Variants in ASMTL observed in about 807,000 individuals in gnomAD.
ASMTL encodes the protein probable bifunctional dTTP/UTP pyrophosphatase/methyltransferase protein.
A neutral mutation model predicts 60.3 loss-of-function variants in ASMTL; 57 were observed. The observed-to-expected ratio is 0.95, with a 90% CI of 0.76 to 1.18. The LOEUF is 1.18. Among genes scored for constraint, ASMTL ranks in the 50% most tolerant of loss-of-function variants. The pLI is 0.00. For synonymous variants in ASMTL, 419 were observed against 373.0 expected (o/e 1.12, Z -1.42); for missense variants, 981 against 852.6 (o/e 1.15, Z -1.88).
chrX:1,415,463 A>G (rs1341250116), intron 11 of ASMTL, among the ~76,000 whole-genome samples: 2 of 102,570 alleles, frequency 1.9e-5, no homozygotes, highest in South Asian at 7.5e-4. Flanking sequence ...CATTATTATT[A>G]TCATTGTCTT....
chrX:1,418,948 A>T (rs1230531535), intron 10 of ASMTL, 34 bp downstream of exon 10: 1 of 1,611,032 alleles, frequency 6.2e-7, no homozygotes, highest in Non-Finnish European at 8.5e-7. Flanking sequence ...TAATAAACGA[A>T]AGTAAGGAGA....
chrX:1,440,810 T>C (rs1486452410), intron 2 of ASMTL, among the ~76,000 whole-genome samples: 105 of 152,182 alleles, frequency 6.9e-4, no homozygotes, highest in Non-Finnish European at 1.4e-3. Context: ...TAGTAACAGA[T>C]AAATGACATA....
At chrX:1,428,179 A>G in intron 6 of ASMTL, 58 bp from the exon 7 acceptor site, 3 of 1,536,622 alleles carry the variant, frequency 2.0e-6, no homozygotes, top group Non-Finnish European at 2.6e-6. Context: ...CTGGGTCTGA[A>G]CATTTCACGG....
intron 3 of ASMTL, among the ~76,000 whole-genome samples, chrX:1,438,384 A>G (rs1195241156): frequency 6.6e-6 from 1 of 152,206 alleles, no homozygotes; most frequent in Non-Finnish European, 1.5e-5. Context: ...CATGAGCCAA[A>G]GGAGACAATG....
At chrX:1,410,574 G>A (rs1384121703) in intron 12 of ASMTL, among the ~76,000 whole-genome samples, 9 of 151,968 alleles carry the variant, frequency 5.9e-5, no homozygotes, top group African/African-American at 9.6e-5. Flanking sequence ...CCACTACGCC[G>A]GACTAATTTT....
rs189631143 is a variant in ASMTL, at chrX:1,447,410, A to G, written c.94-5093T>C. 1.3e-3 allele frequency among the ~76,000 whole-genome samples: 192 copies of G among 151,768 alleles called. No individual in the cohort carries two copies. The Middle Eastern group carries it at 0.017, about 14-fold the overall frequency. On this transcript the variant is annotated intron_variant, in intron 1 of 12. Coordinates refer to ENST00000381317, the MANE Select transcript of ASMTL (RefSeq NM_004192.4). ...AGAAGCACCACCATCTTGGACACAC[A>G]CTGCCATCTTGGATAAGCACCACCA...
intron 1 of ASMTL, among the ~76,000 whole-genome samples, chrX:1,444,969 C>T (rs1477075048): frequency 6.6e-6 from 1 of 152,124 alleles, no homozygotes; most frequent in African/African-American, 2.4e-5. Context: ...GCTTCGTCTT[C>T]CTCTCTCTTC....
intron 2 of ASMTL, among the ~76,000 whole-genome samples, chrX:1,439,584 C>T (rs1397960801): frequency 3.9e-5 from 6 of 152,136 alleles, no homozygotes; most frequent in African/African-American, 9.6e-5. Flanking sequence ...CGGTGGCTCA[C>T]GCCTGTCATC....
intron 6 of ASMTL, 54 bp downstream of exon 6, chrX:1,432,215 G>T (rs2090812214): frequency 1.4e-6 from 2 of 1,432,834 alleles, no homozygotes; most frequent in Non-Finnish European, 9.7e-7. Context: ...CACGTGTGAG[G>T]GTGGCCAGGC....
rs759241708 is a variant in ASMTL, at chrX:1,433,552, G to GGT, written c.401-1176_401-1175insAC. On this transcript the variant is annotated intron_variant, in intron 5 of 12. Coordinates refer to ENST00000381317, the MANE Select transcript of ASMTL (RefSeq NM_004192.4). ...AAAAAATTAGCCGGGCGTGGTGGCG[G>GGT]GCCCGTCGTCCCAGCTACTCGGGAG... 1.4e-4 allele frequency among the ~76,000 whole-genome samples: 21 copies of GGT among 150,618 alleles called. No homozygotes were observed. In the South Asian group the frequency reaches 4.4e-3, roughly 32 times the overall value.
chrX:1,408,050 C>A (rs1218876941), intron 12 of ASMTL, among the ~76,000 whole-genome samples: 1 of 150,756 alleles, frequency 6.6e-6, no homozygotes, highest in African/African-American at 2.5e-5. Context: ...ATTTAAAAAA[C>A]CCTAACAGGG....
intron 5 of ASMTL, 66 bp from the exon 6 acceptor site, chrX:1,432,443 G>A: frequency 4.9e-6 from 6 of 1,212,992 alleles, no homozygotes; most frequent in Non-Finnish European, 6.0e-6. Flanking sequence ...CCTGACAGCT[G>A]CGTGGCTGTG....
intron 6 of ASMTL, among the ~76,000 whole-genome samples, chrX:1,431,430 T>C (rs1436156956): frequency 7.3e-6 from 1 of 136,438 alleles, no homozygotes; most frequent in Non-Finnish European, 1.5e-5. Flanking sequence ...TAACCTATCA[T>C]ATAATCTATT....
In ASMTL at chrX:1,403,590, G is replaced by T; in HGVS notation, c.1646-101C>A. 12 of 1,106,634 alleles carry T rather than the reference G, an allele frequency of 1.1e-5. No individual in the cohort carries two copies. The South Asian group carries it at 1.6e-4, about 14-fold the overall frequency. 68.6% of individuals were successfully genotyped at this position (1,106,634 alleles called of 1,614,324 possible). On this transcript the variant is annotated intron_variant, in intron 12 of 12. Coordinates refer to ENST00000381317, the MANE Select transcript of ASMTL (RefSeq NM_004192.4). ...AGGCAACAGGAGCTCAGAACGGTGA[G>T]CAGAGGCTGCTGAGAACCCTTGGCC... is the stretch of plus-strand genomic sequence containing the variant.
At chrX:1,419,683 C>T (rs1352379724) in intron 9 of ASMTL, among the ~76,000 whole-genome samples, 3 of 152,138 alleles carry the variant, frequency 2.0e-5, no homozygotes, top group Non-Finnish European at 4.4e-5. Flanking sequence ...ACATCCCGTC[C>T]CTGCAGGGCA....
chrX:1,412,840 CCCTGAAAAAGTCA>C lies in ASMTL; in HGVS notation c.1524_1536del (p.Asp509ThrfsTer58). 1 of 1,613,814 alleles carries C rather than the reference CCCTGAAAAAGTCA, an allele frequency of 6.2e-7. No homozygotes were observed. The highest frequency in any genetic ancestry group is 1.1e-5 in the South Asian group (1 of 91,062). On this transcript the variant is annotated frameshift_variant and splice_region_variant, in exon 12 of 13. Transcript: ENST00000381317. LOFTEE classifies it high-confidence loss of function. ...TACAGCTCAGCGCTGGGGAGGGGGT[CCCTGAAAAAGTCA>C]CCTGGTTTAAAGACAAAACGAGATA...
rs1264134132 is a variant in ASMTL, at chrX:1,435,775, C to T, written c.274-17G>A. The T allele has an allele frequency of 1.2e-6, 2 of 1,611,956 alleles. No homozygotes were observed. The highest frequency in any genetic ancestry group is 2.7e-5 in the African/African-American group (2 of 74,830). On this transcript the variant is annotated splice_polypyrimidine_tract_variant and intron_variant, in intron 3 of 12. Transcript: ENST00000381317. The stretch of plus-strand genomic sequence containing the variant: ...CCCGACTGTCTGTGAGAGGAAGGGA[C>T]AGAGGGAGTTGGTTCCCACCGGCTG...
At chrX:1,451,825 C>T (rs150068066) in intron 1 of ASMTL, among the ~76,000 whole-genome samples, 7,693 of 144,444 alleles carry the variant, frequency 0.053, 682 homozygotes, top group African/African-American at 0.19. Flanking sequence ...CTGGGGGTCC[C>T]GGGTTACTCT....
At chrX:1,416,709 C>T (rs5949019) in intron 11 of ASMTL, among the ~76,000 whole-genome samples, 94,551 of 150,376 alleles carry the variant, frequency 0.63, 30,976 homozygotes, top group South Asian at 0.84. Context: ...CACATTCTTA[C>T]GCACGCACAC....
Sources: allele counts gnomAD v4.1 joint callset (sites outside exome capture counted in the v4.1 genomes callset), GRCh38; gene constraint gnomAD v4.1.1; transcripts MANE v1.5; gene names NCBI Gene and HGNC (gene_info 2026-07-23, HGNC 2026-07-21).